The following UGT2A3 variants were observed in gnomAD, a reference collection of about 807,000 sequenced individuals.
The protein encoded by UGT2A3 is UDP glucuronosyltransferase family 2 member A3.
In UGT2A3, 55 loss-of-function variants were observed where a neutral mutation model predicts 44.1. The ratio of observed to expected loss-of-function variants is 1.25; its 90% CI spans 1.00 to 1.56. The LOEUF (loss-of-function observed/expected upper bound fraction) is 1.56, where lower values mean the gene tolerates loss of function less well. UGT2A3 is among the 40% of genes most tolerant of loss of function. The pLI, the probability that UGT2A3 is intolerant of heterozygous loss-of-function variation, is 0.00. For synonymous variants in UGT2A3, 243 were observed against 215.1 expected (o/e 1.13, Z -1.13); for missense variants, 733 against 621.6 (o/e 1.18, Z -1.91).
At chr4:68,940,303 G>A (rs557272217) in intron 2 of UGT2A3, among the ~76,000 whole-genome samples, 2 of 152,230 alleles carry the variant, frequency 1.3e-5, no homozygotes, top group Non-Finnish European at 2.9e-5. Context: ...CAACCCAAAT[G>A]TCCAACAGTG....
chr4:68,932,836 A>G, intron 2 of UGT2A3, 77 bp from the exon 3 acceptor site: 4 of 1,392,476 alleles, frequency 2.9e-6, no homozygotes, highest in Non-Finnish European at 3.9e-6. Flanking sequence ...ACACTTCTAA[A>G]ATAAATACTT....
At chr4:68,930,402 C>A in intron 5 of UGT2A3, 144 bp downstream of exon 5, 1 of 851,592 alleles carries the variant, frequency 1.2e-6, no homozygotes, top group Non-Finnish European at 1.8e-6. Flanking sequence ...ATTTCCACAA[C>A]TATTCCAGTA....
At chr4:68,945,666 GGGAAGGAAGAAAGGAA>G (rs1477910902) in intron 1 of UGT2A3, among the ~76,000 whole-genome samples, 2 of 148,456 alleles carry the variant, frequency 1.3e-5, no homozygotes, top group African/African-American at 4.9e-5. Flanking sequence ...AAAGAAAGGA[GGGAAGGAAGAAAGGAA>G]GGAAGGAAGG....
At position 68,951,732 on chromosome 4, in the gene UGT2A3, A is replaced by G; in HGVS notation, c.29T>C (p.Phe10Ser). ...AACACAGAAGAGCTGCAGGAGCAGAAATACCAAAGCTGACTTGTCAGACCT... is the reference window on the plus strand; with the variant it reads ...AACACAGAAGAGCTGCAGGAGCAGAGATACCAAAGCTGACTTGTCAGACCT... MRSDKSALV[F>S]LLLQLFCVGC... Residue 10 changes from phenylalanine to serine, a missense_variant, in exon 1 of 6, where the codon TTT becomes TCT. Phe to Ser is a radical substitution (Grantham distance 155, BLOSUM62 -2). Coordinates refer to ENST00000251566, the MANE Select transcript of UGT2A3 (RefSeq NM_024743.4). 1 of 1,602,150 alleles carries G rather than the reference A, an allele frequency of 6.2e-7. No homozygotes were observed. Among genetic ancestry groups the G allele is most frequent in the Non-Finnish European group, 8.5e-7 (1 of 1,174,344 alleles).
intron 2 of UGT2A3, among the ~76,000 whole-genome samples, chr4:68,937,625 G>A (rs1474897120): frequency 6.6e-6 from 1 of 151,972 alleles, no homozygotes; most frequent in Non-Finnish European, 1.5e-5. Flanking sequence ...ATCTAAAATC[G>A]ACACCCTAAC....
chr4:68,948,353 C>A (rs774265371), intron 1 of UGT2A3, among the ~76,000 whole-genome samples: 1 of 151,318 alleles, frequency 6.6e-6, no homozygotes, highest in Non-Finnish European at 1.5e-5. Context: ...GAATAGTTAA[C>A]GCTTTACTAT....
chr4:68,937,515 A>T (rs1717997615), intron 2 of UGT2A3, among the ~76,000 whole-genome samples: 1 of 148,436 alleles, frequency 6.7e-6, no homozygotes, highest in African/African-American at 2.4e-5. Flanking sequence ...GAAACCAATG[A>T]GAACAAAGAT....
chr4:68,948,894 G>C (rs1285828783), intron 1 of UGT2A3, among the ~76,000 whole-genome samples: 1 of 151,794 alleles, frequency 6.6e-6, no homozygotes, highest in Admixed American at 6.6e-5. Flanking sequence ...GTATACAAGA[G>C]GCATGGCACC....
At chr4:68,933,980 C>T (rs1717842276) in intron 2 of UGT2A3, among the ~76,000 whole-genome samples, 1 of 151,840 alleles carries the variant, frequency 6.6e-6, no homozygotes, top group Non-Finnish European at 1.5e-5. Context: ...CTGCATATCA[C>T]CTTAAAAAGC....
chr4:68,948,692 G>T (rs1428545254), intron 1 of UGT2A3, among the ~76,000 whole-genome samples: 1 of 151,640 alleles, frequency 6.6e-6, no homozygotes, highest in East Asian at 2.0e-4. Context: ...CTTATCATTT[G>T]TATGTACACT....
At chr4:68,935,424 G>C (rs983886460) in intron 2 of UGT2A3, among the ~76,000 whole-genome samples, 3 of 151,284 alleles carry the variant, frequency 2.0e-5, no homozygotes, top group South Asian at 2.1e-4. Context: ...AACAGGGTCT[G>C]GAGTGGACCT....
At chr4:68,949,223 A>G (rs1175653280) in intron 1 of UGT2A3, among the ~76,000 whole-genome samples, 1 of 151,828 alleles carries the variant, frequency 6.6e-6, no homozygotes, top group Non-Finnish European at 1.5e-5. Context: ...TATCTAAACT[A>G]TAGTACTCAT....
chr4:68,932,884 A>G lies in UGT2A3; in HGVS notation c.865-125T>C, dbSNP rs1020222307. ...ATGTGTAGTTATATTCTGTCCCTAT[A>G]TGCTGACACACAGAACTATCTAGTC... On this transcript the variant is annotated intron_variant, in intron 2 of 5. Transcript: ENST00000251566. The G allele has an allele frequency of 3.7e-5, 35 of 934,004 alleles. No individual in the cohort carries two copies. In the African/African-American group the frequency reaches 4.7e-4, roughly 13 times the overall value. The allele number at this position is 934,004 out of a possible 1,614,324, so 57.9% of individuals were successfully genotyped here. A position where few individuals can be genotyped will look rare whatever the true frequency, so the allele number is the denominator to read the frequency against.
intron 2 of UGT2A3, among the ~76,000 whole-genome samples, chr4:68,940,832 T>C (rs1027179487): frequency 1.3e-5 from 2 of 149,662 alleles, no homozygotes; most frequent in Admixed American, 6.7e-5. Flanking sequence ...CAAAACAGTA[T>C]GGCAGTGGCA....
Position 68,951,597 on chromosome 4 carries a change from A to G in UGT2A3, c.164T>C (p.Val55Ala). The G allele has an allele frequency of 1.2e-6, 2 of 1,612,986 alleles. No homozygotes were observed. Among genetic ancestry groups the G allele is most frequent in the African/African-American group, 1.3e-5 (1 of 74,958 alleles). The change falls in exon 1 of 6, where the codon GTA (valine) becomes GCA (alanine). Residue 55 changes from valine to alanine, a missense_variant. Val to Ala is a moderately conservative substitution (Grantham distance 64). Coordinates refer to ENST00000251566, the MANE Select transcript of UGT2A3 (RefSeq NM_024743.4). The stretch of plus-strand genomic sequence containing the variant: ...TAACGAAGGCTTTGAGTGAGTCAAT[A>G]CTGTTACCTCATGGCCTCTCACTAT... ...ELIVRGHEVT[V>A]LTHSKPSLID...
intron 1 of UGT2A3, among the ~76,000 whole-genome samples, chr4:68,946,022 A>T (rs1676645539): frequency 6.6e-6 from 1 of 151,658 alleles, no homozygotes. Flanking sequence ...CTGTTTTATT[A>T]GGAGAAATTC....
chr4:68,946,918 C>A (rs1157133707), intron 1 of UGT2A3, among the ~76,000 whole-genome samples: 2 of 151,608 alleles, frequency 1.3e-5, no homozygotes, highest in Admixed American at 1.3e-4. Flanking sequence ...AATGCACATA[C>A]CTTAGTTAAA....
chr4:68,951,001 A>G, intron 1 of UGT2A3, 45 bp downstream of exon 1: 1 of 1,347,454 alleles, frequency 7.4e-7, no homozygotes. Context: ...TTTTAAAAAT[A>G]TTTCTTTTGA....
In UGT2A3 at chr4:68,945,473, A is replaced by G. The variant is rs1718353026; in HGVS notation, c.716-19T>C. ...GGCCTTCCTCAATAAAAGAAATAACAGAATGAATTAGCATACAATTCAAAT... is the reference window on the plus strand; with the variant it reads ...GGCCTTCCTCAATAAAAGAAATAACGGAATGAATTAGCATACAATTCAAAT... On this transcript the variant is annotated intron_variant, in intron 1 of 5. Transcript: ENST00000251566. 2 of 1,576,578 alleles carry G rather than the reference A, an allele frequency of 1.3e-6. No individual in the cohort carries two copies. Among genetic ancestry groups the G allele is most frequent in the Non-Finnish European group, 1.7e-6 (2 of 1,161,462 alleles).
Sources: allele counts gnomAD v4.1 joint callset (sites outside exome capture counted in the v4.1 genomes callset), GRCh38; gene constraint gnomAD v4.1.1; transcripts MANE v1.5; gene names NCBI Gene and HGNC (gene_info 2026-07-23, HGNC 2026-07-21).